SPRED2: variants seen among roughly 807,000 people sequenced by gnomAD.
SPRED2 encodes sprouty related EVH1 domain containing 2, also known as sprouty-related, EVH1 domain-containing protein 2.
SPRED2 carries 47 observed loss-of-function variants against 43.0 expected under a neutral mutation model. The observed-to-expected ratio is 1.09, with a 90% CI of 0.87 to 1.40. The LOEUF is 1.40. SPRED2 is among the 40% of genes most tolerant of loss of function. The pLI is 0.00. For missense variants in SPRED2, 561 were observed against 586.4 expected, an observed-to-expected ratio of 0.96 and a Z score of 0.45; for synonymous variants, 225 against 225.7, an observed-to-expected ratio of 1.00 and a Z score of 0.03.
chr2:65,425,822 C>T (rs191930975), intron 1 of SPRED2, among the ~76,000 whole-genome samples: 7 of 152,244 alleles, frequency 4.6e-5, no homozygotes, highest in South Asian at 2.1e-4. Flanking sequence ...ATTGAGATGA[C>T]GGGGTCTTTT....
intron 4 of SPRED2, among the ~76,000 whole-genome samples, chr2:65,321,039 C>T (rs1226214558): frequency 6.6e-6 from 1 of 152,110 alleles, no homozygotes; most frequent in African/African-American, 2.4e-5. Flanking sequence ...TCACATGCTC[C>T]CAACTGTATC....
rs940595250 is a variant in SPRED2, at chr2:65,403,943, T to A, written c.26+28019A>T. On this transcript the variant is annotated intron_variant, in intron 1 of 5. Transcript: ENST00000356388. ...TTTGTGGCCAGGTGTGGTGGCTCAC[T>A]CCTGTAATCCCAGTACTTTGGGAGG... Among the ~76,000 whole-genome samples, 7 of 152,100 alleles carry A rather than the reference T, an allele frequency of 4.6e-5. No individual in the cohort carries two copies. In the East Asian group the frequency reaches 1.2e-3, roughly 25 times the overall value.
chr2:65,412,646 C>T (rs1403533291), intron 1 of SPRED2, among the ~76,000 whole-genome samples: 1 of 152,070 alleles, frequency 6.6e-6, no homozygotes, highest in Non-Finnish European at 1.5e-5. Context: ...TTTAATGATC[C>T]TTTGTTTTTC....
At chr2:65,325,552 C>A (rs1261692740) in intron 4 of SPRED2, among the ~76,000 whole-genome samples, 2 of 152,126 alleles carry the variant, frequency 1.3e-5, no homozygotes, top group African/African-American at 4.8e-5. Context: ...TCTGTTTGAG[C>A]CCTAACAATT....
At chr2:65,410,030 GAAA>G (rs778669871) in intron 1 of SPRED2, among the ~76,000 whole-genome samples, 2 of 104,368 alleles carry the variant, frequency 1.9e-5, no homozygotes, top group Non-Finnish European at 2.0e-5. Context: ...CTCTGCCTCG[GAAA>G]AAAAAAAAAA....
rs199755728 is a variant in SPRED2 at position 65,394,688 on chromosome 2, T to C, written c.26+37274A>G. On this transcript the variant is annotated intron_variant, in intron 1 of 5. Transcript: ENST00000356388. The stretch of plus-strand genomic sequence containing the variant: ...AGGCCTCCTTGCTTTTCTGCTACGG[T>C]ACGAAGATTGCTAGGAGCCATGAGG... 7.9e-5 allele frequency among the ~76,000 whole-genome samples: 12 copies of C among 152,196 alleles called. No homozygotes were observed. The East Asian group carries it at 2.3e-3, about 29-fold the overall frequency.
rs1673085793 is a variant in SPRED2 at position 65,312,071 on chromosome 2, C to T, written c.*1430G>A. ...ATTGTACTATGCTAGGTATAGGTAA[C>T]CACTCTTCACTTTTCTTCTTTCTTC... On this transcript the variant is annotated 3_prime_UTR_variant, in exon 6 of 6. Transcript: ENST00000356388. 3 of 985,280 alleles carry T rather than the reference C, an allele frequency of 3.0e-6. No homozygotes were observed. The African/African-American group carries it at 5.2e-5, about 17-fold the overall frequency. The allele number at this position is 985,280 out of a possible 1,614,324, so 61.0% of individuals were successfully genotyped here.
intron 1 of SPRED2, among the ~76,000 whole-genome samples, chr2:65,417,462 CAAG>C (rs1676313219): frequency 6.6e-6 from 1 of 152,180 alleles, no homozygotes; most frequent in Non-Finnish European, 1.5e-5. Flanking sequence ...GAGAGCTACA[CAAG>C]AAGAGCATCT....
chr2:65,371,190 A>ATT (rs5831752), intron 1 of SPRED2, among the ~76,000 whole-genome samples: 7 of 151,944 alleles, frequency 4.6e-5, no homozygotes, highest in East Asian at 3.9e-4. Context: ...CATACTGAAT[A>ATT]TTTTTTTTGG....
intron 3 of SPRED2, among the ~76,000 whole-genome samples, chr2:65,332,467 T>G (rs1673841890): frequency 6.6e-6 from 1 of 152,222 alleles, no homozygotes; most frequent in African/African-American, 2.4e-5. Context: ...CCTGCCACAA[T>G]CTACTGTGTA....
At chr2:65,401,378 C>A (rs1675882936) in intron 1 of SPRED2, among the ~76,000 whole-genome samples, 1 of 152,082 alleles carries the variant, frequency 6.6e-6, no homozygotes, top group African/African-American at 2.4e-5. Context: ...GCAAGAAGAC[C>A]CCCCCAGGTG....
At chr2:65,420,705 T>C (rs558667483) in intron 1 of SPRED2, among the ~76,000 whole-genome samples, 3 of 152,214 alleles carry the variant, frequency 2.0e-5, no homozygotes, top group Non-Finnish European at 4.4e-5. Context: ...TTCATTTAAG[T>C]GCAATTTGCC....
intron 1 of SPRED2, chr2:65,378,222 A>C: frequency 6.5e-6 from 1 of 153,738 alleles, no homozygotes; most frequent in East Asian, 1.9e-4. Context: ...GGAATAAACC[A>C]AATGTATAAA....
chr2:65,369,997 A>G (rs1193176940), intron 1 of SPRED2, among the ~76,000 whole-genome samples: 1 of 152,250 alleles, frequency 6.6e-6, no homozygotes, highest in Non-Finnish European at 1.5e-5. Context: ...CTTTAGCTAT[A>G]TATGTATATA....
intron 1 of SPRED2, among the ~76,000 whole-genome samples, chr2:65,403,782 G>T (rs1031222834): frequency 6.6e-6 from 1 of 152,140 alleles, no homozygotes; most frequent in Non-Finnish European, 1.5e-5. Flanking sequence ...TCAAAGCACT[G>T]GTCTGAAAGG....
intron 4 of SPRED2, among the ~76,000 whole-genome samples, chr2:65,329,515 T>G (rs925163): frequency 0.43 from 64,988 of 151,948 alleles, 15,241 homozygotes; most frequent in East Asian, 0.74. Context: ...AGTCTGCAAG[T>G]GCCCGGAAGC....
chr2:65,322,258 CTCTCT>C (rs1558649647), intron 4 of SPRED2, among the ~76,000 whole-genome samples: 14 of 76,382 alleles, frequency 1.8e-4, no homozygotes, highest in African/African-American at 9.3e-4. Flanking sequence ...CTCTCTCTCT[CTCTCT>C]CTCTCTCTAT....
At chr2:65,327,989 TG>T (rs1241541610) in intron 4 of SPRED2, among the ~76,000 whole-genome samples, 1 of 152,186 alleles carries the variant, frequency 6.6e-6, no homozygotes, top group African/African-American at 2.4e-5. Flanking sequence ...CCCAAAGTGC[TG>T]GGATTACAGG....
intron 1 of SPRED2, among the ~76,000 whole-genome samples, chr2:65,401,725 A>T (rs770456958): frequency 3.3e-5 from 5 of 151,870 alleles, no homozygotes; most frequent in African/African-American, 7.3e-5. Context: ...GCATGAACCC[A>T]GGAGGTGGAG....
Sources: allele counts gnomAD v4.1 joint callset (sites outside exome capture counted in the v4.1 genomes callset), GRCh38; gene constraint gnomAD v4.1.1; transcripts MANE v1.5; gene names NCBI Gene and HGNC (gene_info 2026-07-23, HGNC 2026-07-21).